The following MARK3 variants were observed in gnomAD, a reference collection of about 807,000 sequenced individuals.
The protein encoded by MARK3 is microtubule affinity regulating kinase 3.
A neutral mutation model predicts 90.1 loss-of-function variants in MARK3; 46 were observed. That is an observed-to-expected ratio of 0.51 (90% CI 0.40 to 0.65). MARK3 has a LOEUF of 0.65. Among genes scored for constraint, MARK3 ranks in the 30% least tolerant of loss-of-function variants. The probability of loss-of-function intolerance (pLI) is 0.00; values close to 1 mark genes in which losing one functional copy is unlikely to be tolerated. For missense variants in MARK3, 818 were observed against 947.2 expected (o/e 0.86, Z 1.79); for synonymous variants, 321 against 332.6 (o/e 0.97, Z 0.38).
Position 103,503,463 on chromosome 14 carries a change from G to A in MARK3, c.*236G>A, listed in dbSNP as rs752308125. 1.6e-5 allele frequency: 8 copies of A among 513,534 alleles called. No homozygotes were observed. Among genetic ancestry groups the A allele is most frequent in the Middle Eastern group, 5.2e-4 (1 of 1,940 alleles). 31.8% of individuals were successfully genotyped at this position (513,534 alleles called of 1,614,324 possible). A position where few individuals can be genotyped will look rare whatever the true frequency, so the allele number is the denominator to read the frequency against. On this transcript the variant is annotated 3_prime_UTR_variant, in exon 18 of 18. Coordinates refer to ENST00000429436, the MANE Select transcript of MARK3 (RefSeq NM_001128918.3). ...TACTTCCGTTACCCTGAGAGTCGGT[G>A]TGTGGCCCCATCTCCATGTGCCTCC...
At chr14:103,448,880 GT>G in intron 3 of MARK3, 38 bp from the exon 4 acceptor site, 1 of 685,448 alleles carries the variant, frequency 1.5e-6, no homozygotes, top group Non-Finnish European at 2.1e-6. Context: ...AATAACTTGT[GT>G]TGGGGGGATT....
At chr14:103,390,961 C>T (rs2090198527) in intron 1 of MARK3, among the ~76,000 whole-genome samples, 1 of 152,116 alleles carries the variant, frequency 6.6e-6, no homozygotes, top group Non-Finnish European at 1.5e-5. Context: ...GCCTCCTGTC[C>T]CAGCCTCCCA....
At position 103,468,322 on chromosome 14, in the gene MARK3, T is replaced by C. The variant is rs1216871709; in HGVS notation, c.1264+136T>C. 9.1e-4 allele frequency: 506 copies of C among 555,716 alleles called. 12 individuals are homozygous for C. The highest frequency in any genetic ancestry group is 1.3e-3 in the East Asian group (33 of 25,136). The allele number at this position is 555,716 out of a possible 1,614,324, so 34.4% of individuals were successfully genotyped here. Reference sequence around the variant, plus strand: ...TGCTTTCTTTCTTTCTTCTTTTTTTTTTTTTTTTTTTTTTTTTTTTGAGAC... The same window carrying C: ...TGCTTTCTTTCTTTCTTCTTTTTTTCTTTTTTTTTTTTTTTTTTTTGAGAC... On this transcript the variant is annotated intron_variant, in intron 12 of 17. Transcript: ENST00000429436.
intron 17 of MARK3, among the ~76,000 whole-genome samples, chr14:103,500,928 T>C (rs2075629238): frequency 6.6e-6 from 1 of 152,178 alleles, no homozygotes; most frequent in African/African-American, 2.4e-5. Flanking sequence ...AGCCTTGCTT[T>C]TCCATTTTGT....
At chr14:103,400,237 T>G (rs1040462148) in intron 1 of MARK3, among the ~76,000 whole-genome samples, 1 of 152,130 alleles carries the variant, frequency 6.6e-6, no homozygotes, top group African/African-American at 2.4e-5. Context: ...CCTCCCCTTT[T>G]ATGATAAACA....
At chr14:103,398,403 A>G (rs951150211) in intron 1 of MARK3, among the ~76,000 whole-genome samples, 1 of 152,044 alleles carries the variant, frequency 6.6e-6, no homozygotes, top group African/African-American at 2.4e-5. Flanking sequence ...TTTAACTTGT[A>G]TTTCTCTCTG....
chr14:103,408,409 G>A (rs375379253), intron 2 of MARK3, among the ~76,000 whole-genome samples: 20 of 152,208 alleles, frequency 1.3e-4, no homozygotes, highest in African/African-American at 4.8e-4. Context: ...GGCTGGTCTC[G>A]AACTCCTGAT....
At chr14:103,419,282 C>A (rs2092102551) in intron 2 of MARK3, among the ~76,000 whole-genome samples, 1 of 152,054 alleles carries the variant, frequency 6.6e-6, no homozygotes, top group South Asian at 2.1e-4. Context: ...CAGAGCGAGA[C>A]CCCGTCTCAT....
At chr14:103,444,549 C>T (rs549893049) in intron 3 of MARK3, among the ~76,000 whole-genome samples, 3 of 152,210 alleles carry the variant, frequency 2.0e-5, no homozygotes, top group Admixed American at 6.5e-5. Context: ...GAGGCCGAGG[C>T]GGGCGGATCA....
chr14:103,447,474 C>T (rs182234440), intron 3 of MARK3, among the ~76,000 whole-genome samples: 2 of 152,138 alleles, frequency 1.3e-5, no homozygotes, highest in Non-Finnish European at 2.9e-5. Context: ...GGTTTTTCCC[C>T]GCTTTTGCCT....
chr14:103,424,336 C>A (rs1256853182), intron 2 of MARK3, among the ~76,000 whole-genome samples: 1 of 151,378 alleles, frequency 6.6e-6, no homozygotes, highest in Non-Finnish European at 1.5e-5. Context: ...AGTTTGAGAC[C>A]AGCCTGGGTA....
intron 15 of MARK3, among the ~76,000 whole-genome samples, chr14:103,495,437 A>C (rs913451024): frequency 3.7e-5 from 3 of 81,340 alleles, no homozygotes; most frequent in African/African-American, 1.3e-4. Flanking sequence ...CCAAGATCAC[A>C]CCATTGCACT....
chr14:103,415,094 G>A (rs2091881619), intron 2 of MARK3, among the ~76,000 whole-genome samples: 1 of 135,468 alleles, frequency 7.4e-6, no homozygotes, highest in Non-Finnish European at 1.5e-5. Context: ...GGAGGTTGCA[G>A]TGAGCCAAGA....
At chr14:103,473,608 TC>T (rs1222060824) in intron 12 of MARK3, among the ~76,000 whole-genome samples, 2 of 152,210 alleles carry the variant, frequency 1.3e-5, no homozygotes, top group Admixed American at 1.3e-4. Context: ...TAGTTGTTGT[TC>T]TCCCACAAAT....
At chr14:103,388,180 G>A (rs775652439) in intron 1 of MARK3, among the ~76,000 whole-genome samples, 16 of 151,692 alleles carry the variant, frequency 1.1e-4, no homozygotes, top group African/African-American at 1.9e-4. Context: ...ATCCTCCCGC[G>A]TCAGCCTCCC....
intron 1 of MARK3, among the ~76,000 whole-genome samples, chr14:103,396,558 T>A (rs2090592998): frequency 6.6e-6 from 1 of 152,162 alleles, no homozygotes; most frequent in African/African-American, 2.4e-5. Flanking sequence ...TCTTTAAAAT[T>A]TAGCTAGTAC....
At chr14:103,435,951 T>G (rs2092705880) in intron 3 of MARK3, among the ~76,000 whole-genome samples, 1 of 151,966 alleles carries the variant, frequency 6.6e-6, no homozygotes, top group South Asian at 2.1e-4. Context: ...AGTGCAGTGG[T>G]GCCATCTCGG....
At chr14:103,398,465 T>C (rs1232975544) in intron 1 of MARK3, among the ~76,000 whole-genome samples, 1 of 152,234 alleles carries the variant, frequency 6.6e-6, no homozygotes, top group Non-Finnish European at 1.5e-5. Flanking sequence ...TTCTTGTTTT[T>C]TGCGGGGGTT....
chr14:103,470,033 C>T (rs1223952208), intron 12 of MARK3, among the ~76,000 whole-genome samples: 1 of 150,158 alleles, frequency 6.7e-6, no homozygotes, highest in Non-Finnish European at 1.5e-5. Context: ...TGCACTCCAG[C>T]CTAGTGACAG....
Sources: allele counts gnomAD v4.1 joint callset (sites outside exome capture counted in the v4.1 genomes callset), GRCh38; gene constraint gnomAD v4.1.1; transcripts MANE v1.5; gene names NCBI Gene and HGNC (gene_info 2026-07-23, HGNC 2026-07-21).